Variants in CERS2 observed in about 807,000 individuals in gnomAD.
CERS2 encodes the protein LAG1 homolog, ceramide synthase 2.
In CERS2, 20 loss-of-function variants were observed where a neutral mutation model predicts 56.6. The observed-to-expected ratio is 0.35, with a 90% CI of 0.25 to 0.51. The LOEUF (loss-of-function observed/expected upper bound fraction) is 0.51, where lower values mean the gene tolerates loss of function less well. Ranked by LOEUF, CERS2 falls within the 20% of genes least tolerant of loss-of-function variation. CERS2 has a pLI of 0.96. For missense variants in CERS2, 361 were observed against 488.6 expected, an observed-to-expected ratio of 0.74 and a Z score of 2.46; for synonymous variants, 187 against 175.4, an observed-to-expected ratio of 1.07 and a Z score of -0.52.
chr1:150,968,772 C>A, intron 2 of CERS2, 146 bp downstream of exon 2: 1 of 794,772 alleles, frequency 1.3e-6, no homozygotes, highest in Non-Finnish European at 2.0e-6. Flanking sequence ...ATGGTGCCTT[C>A]AGGGGAGGGG....
rs148999400 is a variant in CERS2, at chr1:150,967,135, T to C, written c.680A>G (p.Asn227Ser). Residue 227 changes from asparagine (N) to serine (S), a missense_variant, in exon 8 of 11, where the codon AAT becomes AGT. Asn to Ser is a conservative substitution (Grantham distance 46). Coordinates refer to ENST00000368954, the MANE Select transcript of CERS2 (RefSeq NM_022075.5). ...GATTAGAGTCCCAGCTCGGATGTAA[T>C]TGGCAAACCAGGAAAAGCTGATGAG... The part of the protein sequence containing the change: ...IILISFSWFA[N>S]YIRAGTLIMA... The C allele has an allele frequency of 5.0e-6, 8 of 1,613,852 alleles. No homozygotes were observed. Among genetic ancestry groups the C allele is most frequent in the South Asian group, 2.2e-5 (2 of 91,076 alleles).
At chr1:150,970,517 G>C (rs587610801) in intron 1 of CERS2, among the ~76,000 whole-genome samples, 1 of 152,220 alleles carries the variant, frequency 6.6e-6, no homozygotes, top group Non-Finnish European at 1.5e-5. Flanking sequence ...TTGAGACAGG[G>C]TCTTCCTCTG....
At chr1:150,971,059 G>C (rs191407591) in intron 1 of CERS2, among the ~76,000 whole-genome samples, 3 of 152,304 alleles carry the variant, frequency 2.0e-5, no homozygotes, top group African/African-American at 7.2e-5. Context: ...TGGTCCAGGA[G>C]AGCCAGGGAT....
At position 150,968,442 on chromosome 1, in the gene CERS2, C is replaced by T. The variant is rs1571674255; in HGVS notation, c.244G>A (p.Ala82Thr). 3.1e-6 allele frequency: 5 copies of T among 1,614,126 alleles called. No individual in the cohort carries two copies. The highest frequency in any genetic ancestry group is 4.2e-6 in the Non-Finnish European group (5 of 1,179,986). Residue 82 changes from alanine (A) to threonine (T), a missense_variant, in exon 3 of 11, where the codon GCC (alanine) becomes ACC (threonine). Transcript: ENST00000368954. The stretch of plus-strand genomic sequence containing the variant: ...GTCAGGTAGAAATGTTCCAAGGTGG[C>T]GTTGGGAGGTGCCCGCAGCCGAGTT... ...EKTRLRAPPN[A>T]TLEHFYLTSG...
intron 1 of CERS2, among the ~76,000 whole-genome samples, chr1:150,973,417 G>A (rs1671232021): frequency 1.3e-5 from 2 of 152,238 alleles, no homozygotes; most frequent in Admixed American, 1.3e-4. Context: ...GGATCAGCCA[G>A]CCTATGGCCA....
rs758386781 is a variant in CERS2 at position 150,968,947 on chromosome 1, G to A, written c.144C>T (p.Leu48=). 10 of 1,613,708 alleles carry A rather than the reference G, an allele frequency of 6.2e-6. No homozygotes were observed. The highest frequency in any genetic ancestry group is 2.2e-5 in the East Asian group (1 of 44,892). The change falls in exon 2 of 11, where the codon CTC becomes CTT. Residue 48 remains leucine, a synonymous_variant. Transcript: ENST00000368954. ...CAAAGAAGTATCGAACGATGAGGAA[G>A]AGCAAGGCCAGGGGCAGCGTGATAT... ...DLYITLPLAL[L]FLIVRYFFEL... is the part of the protein sequence containing the mutation.
At chr1:150,968,842 G>A in intron 2 of CERS2, 76 bp downstream of exon 2, 1 of 1,412,556 alleles carries the variant, frequency 7.1e-7, no homozygotes, top group Non-Finnish European at 9.8e-7. Context: ...TAATTAAACA[G>A]CAAGGAACAA....
intron 10 of CERS2, 21 bp from the exon 11 acceptor site, chr1:150,966,309 G>A: frequency 1.2e-6 from 2 of 1,610,940 alleles, no homozygotes; most frequent in Non-Finnish European, 8.5e-7. Flanking sequence ...GGGACAAGAA[G>A]GGTTATTACA....
At chr1:150,968,816 C>T in intron 2 of CERS2, 102 bp downstream of exon 2, 2 of 1,163,574 alleles carry the variant, frequency 1.7e-6, no homozygotes, top group South Asian at 1.4e-5. Context: ...GTAGCCAGAA[C>T]ATCAGGGTCA....
Position 150,968,138 on chromosome 1 carries a change from G to A in CERS2, c.355C>T (p.Arg119Cys), listed in dbSNP as rs779980418. 9 of 1,609,590 alleles carry A rather than the reference G, an allele frequency of 5.6e-6. No homozygotes were observed. The Admixed American group carries it at 8.3e-5, about 15-fold the overall frequency. The part of the protein sequence containing the change: ...LSGRQVERWF[R>C]RRRNQDRPSL... ...GGCCGGTCCTGGTTGCGGCGGCGAC[G>A]GAACCAACGCTCTACCTGGCGGCCA... Residue 119 changes from arginine (R) to cysteine (C), a missense_variant, in exon 4 of 11, where the codon CGT (arginine) becomes TGT (cysteine). Arg to Cys is a radical substitution (Grantham distance 180). Transcript: ENST00000368954.
At chr1:150,972,401 C>G (rs587613154) in intron 1 of CERS2, among the ~76,000 whole-genome samples, 5 of 152,172 alleles carry the variant, frequency 3.3e-5, no homozygotes, top group African/African-American at 1.2e-4. Flanking sequence ...GCCGGCCTCA[C>G]TTACACATCC....
intron 1 of CERS2, 49 bp from the exon 2 acceptor site, chr1:150,969,140 G>A (rs750713447): frequency 1.3e-6 from 2 of 1,548,096 alleles, no homozygotes; most frequent in Non-Finnish European, 1.8e-6. Context: ...AGCTATGGAG[G>A]AAGAGATAGA....
At chr1:150,969,254 C>A in intron 1 of CERS2, 163 bp from the exon 2 acceptor site, 1 of 628,094 alleles carries the variant, frequency 1.6e-6, no homozygotes, top group Non-Finnish European at 2.8e-6. Flanking sequence ...GTTTCCTCAT[C>A]TGTAATACGG....
Position 150,968,219 on chromosome 1 carries a change from G to C in CERS2, c.292-18C>G. ...ACTTCCACCTGGGCACAGTGAAGAAGCCCATTGTTATGTTTACCTTCGGAA... is the reference window on the plus strand; with the variant it reads ...ACTTCCACCTGGGCACAGTGAAGAACCCCATTGTTATGTTTACCTTCGGAA... On this transcript the variant is annotated intron_variant, in intron 3 of 10. Coordinates refer to ENST00000368954, the MANE Select transcript of CERS2 (RefSeq NM_022075.5). 6.2e-7 allele frequency: 1 copy of C among 1,605,554 alleles called. No homozygotes were observed. The highest frequency in any genetic ancestry group is 2.2e-5 in the East Asian group (1 of 44,848).
chr1:150,972,613 T>C (rs1049497281), intron 1 of CERS2, among the ~76,000 whole-genome samples: 1 of 152,116 alleles, frequency 6.6e-6, no homozygotes, highest in Non-Finnish European at 1.5e-5. Flanking sequence ...GAAAATCACA[T>C]CTAGAAACAC....
intron 8 of CERS2, 101 bp downstream of exon 8, chr1:150,966,973 G>C: frequency 2.7e-6 from 4 of 1,496,842 alleles, no homozygotes; most frequent in Non-Finnish European, 3.7e-6. Context: ...TTGGTCCCAG[G>C]AATGTCATCC....
intron 9 of CERS2, 52 bp downstream of exon 9, chr1:150,966,704 G>C: frequency 1.3e-6 from 2 of 1,599,818 alleles, no homozygotes; most frequent in Admixed American, 3.3e-5. Context: ...GGGAAGAAAG[G>C]CAAGGCTCCT....
chr1:150,969,145 G>A, intron 1 of CERS2, 54 bp from the exon 2 acceptor site: 1 of 1,527,382 alleles, frequency 6.5e-7, no homozygotes, highest in Non-Finnish European at 9.0e-7. Flanking sequence ...TGGAGGAAGA[G>A]ATAGATGAAT....
At position 150,968,446 on chromosome 1, in the gene CERS2, G is replaced by C; in HGVS notation, c.240C>G (p.Pro80=). Residue 80 remains proline (P), a synonymous_variant, in exon 3 of 11, where the codon CCC becomes CCG. Transcript: ENST00000368954. The part of the protein sequence containing the change: ...IKEKTRLRAP[P]NATLEHFYLT... The stretch of plus-strand genomic sequence containing the variant: ...GGTAGAAATGTTCCAAGGTGGCGTT[G>C]GGAGGTGCCCGCAGCCGAGTTTTCT... 1 of 1,614,194 alleles carries C rather than the reference G, an allele frequency of 6.2e-7. No homozygotes were observed. Among genetic ancestry groups the C allele is most frequent in the Non-Finnish European group, 8.5e-7 (1 of 1,180,016 alleles).
Sources: allele counts gnomAD v4.1 joint callset (sites outside exome capture counted in the v4.1 genomes callset), GRCh38; gene constraint gnomAD v4.1.1; transcripts MANE v1.5; gene names NCBI Gene and HGNC (gene_info 2026-07-23, HGNC 2026-07-21).